Variants in NT5M observed in about 807,000 individuals in gnomAD.
NT5M encodes 5',3'-nucleotidase, mitochondrial.
Under a neutral mutation model 22.2 loss-of-function variants are expected in NT5M, and 22 were observed. The observed-to-expected ratio is 0.99, with a 90% confidence interval of 0.71 to 1.41. The LOEUF is 1.41. Among genes scored for constraint, NT5M ranks in the 40% most tolerant of loss-of-function variants. The pLI, the probability that NT5M is intolerant of heterozygous loss-of-function variation, is 0.00. For synonymous variants in NT5M, 167 were observed against 133.0 expected (o/e 1.26, Z -1.76); for missense variants, 322 against 314.8 (o/e 1.02, Z -0.17).
intron 2 of NT5M, among the ~76,000 whole-genome samples, chr17:17,310,345 A>G (rs1453885335): frequency 5.3e-5 from 8 of 152,024 alleles, no homozygotes; most frequent in Admixed American, 5.2e-4. Context: ...GCAGTTCAAG[A>G]CCAGCTGGGG....
At chr17:17,343,915 G>A (rs2049700991) in intron 3 of NT5M, among the ~76,000 whole-genome samples, 1 of 152,156 alleles carries the variant, frequency 6.6e-6, no homozygotes. Flanking sequence ...GGTGCCTGGG[G>A]CCCATGGGCC....
rs2049729441 is a variant in NT5M at position 17,345,057 on chromosome 17, G to C, written c.544+149G>C. 3.2e-6 allele frequency: 4 copies of C among 1,252,078 alleles called. No individual in the cohort carries two copies. In the Admixed American group the frequency reaches 9.3e-5, roughly 29 times the overall value. 77.6% of individuals were successfully genotyped at this position (1,252,078 alleles called of 1,614,324 possible). On this transcript the variant is annotated intron_variant, in intron 4 of 4. Coordinates refer to ENST00000389022, the MANE Select transcript of NT5M (RefSeq NM_020201.4). ...GAGCCCCTCCCCTTCGGGAAGACAA[G>C]GCCCCCTCTGTATGGGCTGTGGCCT...
At chr17:17,334,568 T>C (rs2049459364) in intron 3 of NT5M, among the ~76,000 whole-genome samples, 2 of 145,968 alleles carry the variant, frequency 1.4e-5, no homozygotes, top group African/African-American at 2.5e-5. Flanking sequence ...AACCTCCTAC[T>C]GGGTTCAAGT....
At position 17,315,747 on chromosome 17, in the gene NT5M, TTTTTG is replaced by T. The variant is rs1394013943; in HGVS notation, c.369-7433_369-7429del. ...GATTGATGTGATCTAACTTAGGGTT[TTTTTG>T]TTTTTTTTTTTTTTTTTTTTTTGAG... On this transcript the variant is annotated intron_variant, in intron 2 of 4. Transcript: ENST00000389022. Among the ~76,000 whole-genome samples, 338 of 76,068 alleles carry T rather than the reference TTTTTG, an allele frequency of 4.4e-3. 11 individuals carry two copies. The highest frequency in any genetic ancestry group is 0.024 in the African/African-American group (303 of 12,560). The allele number at this position is 76,068 out of a possible 152,430, so 49.9% of individuals were successfully genotyped here. A position where few individuals can be genotyped will look rare whatever the true frequency, so the allele number is the denominator to read the frequency against.
intron 3 of NT5M, among the ~76,000 whole-genome samples, chr17:17,341,712 C>T (rs2049645183): frequency 6.6e-6 from 1 of 152,166 alleles, no homozygotes; most frequent in African/African-American, 2.4e-5. Context: ...ATGCCCTCTT[C>T]TATTTTTACC....
chr17:17,338,555 G>A (rs1399670758), intron 3 of NT5M, among the ~76,000 whole-genome samples: 3 of 151,972 alleles, frequency 2.0e-5, no homozygotes, highest in Admixed American at 6.6e-5. Flanking sequence ...ATGCCATTTG[G>A]ACTACTGTAG....
At chr17:17,332,584 AC>A (rs1201737797) in intron 3 of NT5M, among the ~76,000 whole-genome samples, 1 of 152,076 alleles carries the variant, frequency 6.6e-6, no homozygotes, top group African/African-American at 2.4e-5. Flanking sequence ...ATGCTTGGAT[AC>A]CTTTACATTC....
intron 2 of NT5M, among the ~76,000 whole-genome samples, chr17:17,317,825 T>C (rs906042675): frequency 1.3e-5 from 2 of 152,062 alleles, no homozygotes; most frequent in Admixed American, 1.3e-4. Context: ...TAGCTAGGCA[T>C]GGTGGCAGGC....
intron 1 of NT5M, among the ~76,000 whole-genome samples, chr17:17,304,722 A>G (rs983050269): frequency 1.3e-5 from 2 of 152,120 alleles, no homozygotes; most frequent in African/African-American, 4.8e-5. Context: ...CCCAAGTCAC[A>G]TGCTGCTCAG....
At chr17:17,306,196 G>A (rs1000895920) in intron 1 of NT5M, among the ~76,000 whole-genome samples, 5 of 152,056 alleles carry the variant, frequency 3.3e-5, no homozygotes, top group African/African-American at 9.7e-5. Flanking sequence ...AGCTGGTCCA[G>A]CCTCAGTTTC....
rs748573821 is a variant in NT5M, at chr17:17,347,003, G to T, written c.*56G>T. ...GCTCTGACCTCAGGGCTCCCAGCTC[G>T]GGGCCTGTGGGGCCAGTATGCTGGT... On this transcript the variant is annotated 3_prime_UTR_variant, in exon 5 of 5. Coordinates refer to ENST00000389022, the MANE Select transcript of NT5M (RefSeq NM_020201.4). The T allele has an allele frequency of 1.3e-6, 2 of 1,584,374 alleles. No homozygotes were observed. Among genetic ancestry groups the T allele is most frequent in the African/African-American group, 2.7e-5 (2 of 74,512 alleles).
chr17:17,313,254 G>A (rs2048957123), intron 2 of NT5M, among the ~76,000 whole-genome samples: 1 of 152,140 alleles, frequency 6.6e-6, no homozygotes, highest in South Asian at 2.1e-4. Flanking sequence ...ACTCCAGCCT[G>A]GGTAAAAAGA....
intron 3 of NT5M, among the ~76,000 whole-genome samples, chr17:17,340,053 G>A (rs553717351): frequency 1.3e-5 from 2 of 152,264 alleles, no homozygotes; most frequent in South Asian, 2.1e-4. Flanking sequence ...GTTTAAGTAG[G>A]ATTGGTATTA....
intron 2 of NT5M, among the ~76,000 whole-genome samples, chr17:17,321,364 G>A (rs1261417707): frequency 6.6e-6 from 1 of 151,972 alleles, no homozygotes; most frequent in Non-Finnish European, 1.5e-5. Flanking sequence ...TCTGTGAAGG[G>A]CAGAGGGGGA....
chr17:17,332,859 G>C (rs926205650), intron 3 of NT5M, among the ~76,000 whole-genome samples: 3 of 152,098 alleles, frequency 2.0e-5, no homozygotes, highest in African/African-American at 7.2e-5. Context: ...ATTGGTAATC[G>C]GGGAGGCTGT....
chr17:17,320,304 G>A (rs892103392), intron 2 of NT5M, among the ~76,000 whole-genome samples: 2 of 152,188 alleles, frequency 1.3e-5, no homozygotes, highest in African/African-American at 4.8e-5. Flanking sequence ...AGAACTGGAA[G>A]TTGAAGAGTC....
At chr17:17,324,758 G>A (rs1413274104) in intron 3 of NT5M, among the ~76,000 whole-genome samples, 2 of 152,048 alleles carry the variant, frequency 1.3e-5, no homozygotes, top group Non-Finnish European at 2.9e-5. Context: ...CTGCAGCCTC[G>A]AACTCCTGGG....
intron 3 of NT5M, among the ~76,000 whole-genome samples, chr17:17,329,224 C>T (rs2049326547): frequency 6.6e-6 from 1 of 152,160 alleles, no homozygotes; most frequent in African/African-American, 2.4e-5. Context: ...GTGATCTGCC[C>T]GCCTCGGCCT....
chr17:17,306,669 G>A, intron 2 of NT5M, 26 bp downstream of exon 2: 1 of 1,539,276 alleles, frequency 6.5e-7, no homozygotes, highest in Non-Finnish European at 9.0e-7. Context: ...CAGCCACTCA[G>A]TAAGTTTGTC....
Sources: allele counts gnomAD v4.1 joint callset (sites outside exome capture counted in the v4.1 genomes callset), GRCh38; gene constraint gnomAD v4.1.1; transcripts MANE v1.5; gene names NCBI Gene and HGNC (gene_info 2026-07-23, HGNC 2026-07-21).